ELF2: variants seen among roughly 807,000 people sequenced by gnomAD.
The protein encoded by ELF2 is E74 like ETS transcription factor 2.
A neutral mutation model predicts 54.8 loss-of-function variants in ELF2; 11 were observed. The observed-to-expected ratio is 0.20, with a 90% CI of 0.13 to 0.33. The LOEUF (loss-of-function observed/expected upper bound fraction) is 0.33. Among genes scored for constraint, ELF2 ranks in the 10% least tolerant of loss-of-function variants. The pLI, the probability that ELF2 is intolerant of heterozygous loss-of-function variation, is 1.00. For missense variants in ELF2, 513 were observed against 703.0 expected, an observed-to-expected ratio of 0.73 and a Z score of 3.06; for synonymous variants, 203 against 245.1, an observed-to-expected ratio of 0.83 and a Z score of 1.61.
chr4:139,164,420 G>A, intron 1 of ELF2, among the ~76,000 whole-genome samples: 1 of 152,204 alleles, frequency 6.6e-6, no homozygotes. Context: ...TGGATCACCT[G>A]AGGTCAGGAG....
upstream of ELF2, among the ~76,000 whole-genome samples, chr4:139,177,396 A>G (rs1743084454): frequency 6.6e-6 from 1 of 151,056 alleles, no homozygotes; most frequent in African/African-American, 2.4e-5. Flanking sequence ...ACCGCCAGTC[A>G]CCGCAGCGCC....
intron 4 of ELF2, chr4:139,100,496 G>A (rs1390014358): frequency 6.6e-6 from 1 of 152,206 alleles, no homozygotes; most frequent in Admixed American, 6.5e-5. Flanking sequence ...TCTGCACTAA[G>A]TTCGGCATAA....
At chr4:139,100,349 T>C (rs543962172) in intron 4 of ELF2, 1 of 152,228 alleles carries the variant, frequency 6.6e-6, no homozygotes, top group Non-Finnish European at 1.5e-5. Context: ...AATTATTCAG[T>C]GTCTTAAAGA....
intron 3 of ELF2, among the ~76,000 whole-genome samples, chr4:139,136,184 G>A (rs1738134068): frequency 6.6e-6 from 1 of 152,308 alleles, no homozygotes; most frequent in Non-Finnish European, 1.5e-5. Flanking sequence ...TGATCATACA[G>A]AAAGTGAATC....
intron 5 of ELF2, 35 bp downstream of exon 5, chr4:139,073,419 G>T: frequency 6.9e-7 from 1 of 1,456,912 alleles, no homozygotes; most frequent in South Asian, 1.3e-5. Flanking sequence ...GAAGTAGTAT[G>T]ACACGTTTAA....
intron 3 of ELF2, among the ~76,000 whole-genome samples, chr4:139,131,049 C>A (rs1737439840): frequency 6.6e-6 from 1 of 152,086 alleles, no homozygotes; most frequent in East Asian, 1.9e-4. Context: ...AACACATGTA[C>A]AAGGTTATTT....
At chr4:139,060,061 G>C (rs1427567796) in intron 9 of ELF2, among the ~76,000 whole-genome samples, 2 of 152,000 alleles carry the variant, frequency 1.3e-5, no homozygotes, top group African/African-American at 4.8e-5. Context: ...CGTTGCCAAA[G>C]CTTGTGTTGA....
At chr4:139,138,156 G>C (rs889020782) in intron 2 of ELF2, among the ~76,000 whole-genome samples, 1 of 152,108 alleles carries the variant, frequency 6.6e-6, no homozygotes, top group Non-Finnish European at 1.5e-5. Context: ...GGTGGCTCAC[G>C]CCTGTATATT....
intron 6 of ELF2, among the ~76,000 whole-genome samples, chr4:139,071,525 G>T (rs1478790061): frequency 2.0e-5 from 3 of 151,852 alleles, no homozygotes; most frequent in Admixed American, 6.6e-5. Context: ...GTGTGTGTGT[G>T]TTTTTTTAAG....
intron 1 of ELF2, among the ~76,000 whole-genome samples, chr4:139,146,187 CA>C (rs1340328561): frequency 1.3e-5 from 2 of 152,150 alleles, no homozygotes; most frequent in Non-Finnish European, 2.9e-5. Context: ...TCTTAGGTTA[CA>C]AAGTCAATGA....
intron 4 of ELF2, chr4:139,084,234 C>G: frequency 6.2e-7 from 1 of 1,611,226 alleles, no homozygotes; most frequent in South Asian, 1.1e-5. Context: ...TGACTTACAC[C>G]GTGAGCAGCG....
intron 4 of ELF2, among the ~76,000 whole-genome samples, chr4:139,113,870 T>G (rs564661640): frequency 1.1e-4 from 17 of 151,538 alleles, no homozygotes; most frequent in South Asian, 2.1e-4. Context: ...AAAAAAAAAA[T>G]TAAAAGTAAA....
At chr4:139,176,025 G>A (rs1156418372) in intron 1 of ELF2, among the ~76,000 whole-genome samples, 2 of 152,122 alleles carry the variant, frequency 1.3e-5, no homozygotes, top group African/African-American at 4.8e-5. Context: ...GAGAGGGCTC[G>A]GCTACCCTGA....
At chr4:139,108,651 A>G (rs1326746970) in intron 4 of ELF2, among the ~76,000 whole-genome samples, 1 of 152,178 alleles carries the variant, frequency 6.6e-6, no homozygotes, top group Non-Finnish European at 1.5e-5. Context: ...CAGAATGACT[A>G]AAAAGCACAC....
intron 9 of ELF2, 24 bp downstream of exon 9, chr4:139,060,300 T>C (rs770008832): frequency 3.9e-6 from 6 of 1,541,930 alleles, no homozygotes; most frequent in Non-Finnish European, 5.2e-6. Flanking sequence ...AAATACATTG[T>C]AACTAATGGT....
intron 3 of ELF2, among the ~76,000 whole-genome samples, chr4:139,132,725 C>T (rs4863493): frequency 0.36 from 54,155 of 150,984 alleles, 10,631 homozygotes; most frequent in African/African-American, 0.53. Flanking sequence ...GGTCTTTCCT[C>T]CCCTTCCTTT....
At chr4:139,174,212 AAAAAAAAAAAG>A (rs954631775) in intron 1 of ELF2, among the ~76,000 whole-genome samples, 48 of 150,768 alleles carry the variant, frequency 3.2e-4, no homozygotes, top group Non-Finnish European at 6.1e-4. Context: ...ATCTTAAAAA[AAAAAAAAAAAG>A]AAAGAAAGAA....
chr4:139,092,416 C>A lies in ELF2; in HGVS notation c.239-18849G>T, dbSNP rs202061259. Reference sequence around the variant, plus strand: ...ACATAACATAACATAACATAACATACATAACATAACATAACATAACATAAC... The same window carrying A: ...ACATAACATAACATAACATAACATAAATAACATAACATAACATAACATAAC... On this transcript the variant is annotated intron_variant, in intron 4 of 9. Coordinates refer to ENST00000686138, the MANE Select transcript of ELF2 (RefSeq NM_001331036.3). Among the ~76,000 whole-genome samples, 4 of 41,070 alleles carry A rather than the reference C, an allele frequency of 9.7e-5. No individual in the cohort carries two copies. The Admixed American group carries it at 1.2e-3, about 13-fold the overall frequency. The allele number at this position is 41,070 out of a possible 152,430, so 26.9% of individuals were successfully genotyped here.
At chr4:139,078,031 C>A (rs1730566870) in intron 4 of ELF2, among the ~76,000 whole-genome samples, 1 of 152,050 alleles carries the variant, frequency 6.6e-6, no homozygotes, top group African/African-American at 2.4e-5. Context: ...TTTGCTTGTA[C>A]CTTCATTTAA....
Sources: gnomAD v4.1 joint callset for allele counts (sites outside exome capture counted in the v4.1 genomes callset) on GRCh38, gnomAD v4.1.1 for gene constraint, MANE v1.5 for transcripts, NCBI Gene and HGNC (gene_info 2026-07-23, HGNC 2026-07-21) for gene names.